Variants in ZFAT observed in about 807,000 individuals in gnomAD.
ZFAT encodes zinc finger protein ZFAT.
In ZFAT, 64 loss-of-function variants were observed where a neutral mutation model predicts 117.7. The ratio of observed to expected loss-of-function variants is 0.54; its 90% CI spans 0.44 to 0.67. The LOEUF is 0.67. Among genes scored for constraint, ZFAT ranks in the 30% least tolerant of loss-of-function variants. The pLI, the probability that ZFAT is intolerant of heterozygous loss-of-function variation, is 0.00. For missense variants in ZFAT, 1,433 were observed against 1,584.5 expected, an observed-to-expected ratio of 0.90 and a Z score of 1.62; for synonymous variants, 679 against 615.0, an observed-to-expected ratio of 1.10 and a Z score of -1.54.
chr8:134,537,193 T>A (rs895048731), intron 11 of ZFAT, among the ~76,000 whole-genome samples: 2 of 152,230 alleles, frequency 1.3e-5, no homozygotes, highest in African/African-American at 4.8e-5. Context: ...ATTATCCTCA[T>A]TTTTACAGGT....
At chr8:134,494,106 T>C (rs1480353818) in intron 15 of ZFAT, among the ~76,000 whole-genome samples, 1 of 152,070 alleles carries the variant, frequency 6.6e-6, no homozygotes, top group Non-Finnish European at 1.5e-5. Flanking sequence ...CTCTACAGCA[T>C]TGCCCGGTCC....
At chr8:134,701,728 G>C (rs1189373556) in intron 1 of ZFAT, among the ~76,000 whole-genome samples, 1 of 152,204 alleles carries the variant, frequency 6.6e-6, no homozygotes, top group Non-Finnish European at 1.5e-5. Flanking sequence ...GTTGTTGCCT[G>C]CATCACTTTT....
At chr8:134,602,998 C>A in intron 5 of ZFAT, 65 bp from the exon 6 acceptor site, 2 of 1,537,792 alleles carry the variant, frequency 1.3e-6, no homozygotes, top group South Asian at 1.3e-5. Flanking sequence ...ACTCTACATC[C>A]TTTTCATGAA....
chr8:134,811,853 G>C, the ZFAT span, among the ~76,000 whole-genome samples: 2 of 152,202 alleles, frequency 1.3e-5, no homozygotes, highest in African/African-American at 4.8e-5. Flanking sequence ...TTTGCCATCT[G>C]TTAAATGACA....
At chr8:134,601,425 C>T (rs763589133) in intron 6 of ZFAT, 52 bp downstream of exon 6, 224 of 1,542,404 alleles carry the variant, frequency 1.5e-4, no homozygotes, top group Non-Finnish European at 1.8e-4. Flanking sequence ...GCGAGGTGAC[C>T]ACAGCATGAT....
chr8:134,565,823 T>G (rs1824418860), intron 10 of ZFAT, among the ~76,000 whole-genome samples: 1 of 151,392 alleles, frequency 6.6e-6, no homozygotes, highest in African/African-American at 2.4e-5. Context: ...TCTTCCTTCC[T>G]GGAGAGGAGC....
chr8:134,668,613 C>T (rs1286626177), intron 1 of ZFAT, among the ~76,000 whole-genome samples: 3 of 152,212 alleles, frequency 2.0e-5, no homozygotes, highest in African/African-American at 7.2e-5. Flanking sequence ...ACGTCACCAT[C>T]ATCAAAGACC....
chr8:134,561,315 C>T (rs560516282), intron 11 of ZFAT, among the ~76,000 whole-genome samples: 3 of 152,318 alleles, frequency 2.0e-5, no homozygotes, highest in East Asian at 1.9e-4. Context: ...ATAAGCTCTC[C>T]GGCCCTGCCT....
chr8:134,603,294 A>G (rs1415908123), intron 5 of ZFAT, among the ~76,000 whole-genome samples: 1 of 152,188 alleles, frequency 6.6e-6, no homozygotes, highest in Non-Finnish European at 1.5e-5. Context: ...AAGAAAAGGA[A>G]AGAGGGAGGC....
intron 2 of ZFAT, among the ~76,000 whole-genome samples, chr8:134,655,264 G>A (rs1831525315): frequency 6.6e-6 from 1 of 152,204 alleles, no homozygotes; most frequent in Admixed American, 6.5e-5. Flanking sequence ...GCGTGGAAGG[G>A]TGGAAGTCGG....
the ZFAT span, among the ~76,000 whole-genome samples, chr8:134,752,298 G>A: frequency 6.6e-6 from 1 of 152,134 alleles, no homozygotes; most frequent in South Asian, 2.1e-4. Flanking sequence ...TCAAACTTCT[G>A]AACCTGCCAC....
chr8:134,628,227 C>T (rs951841853), intron 3 of ZFAT, among the ~76,000 whole-genome samples: 1 of 152,108 alleles, frequency 6.6e-6, no homozygotes, highest in East Asian at 1.9e-4. Context: ...GAAGGTCAAG[C>T]ATATTCAGAG....
the ZFAT span, chr8:134,792,819 T>C: frequency 6.6e-6 from 1 of 152,230 alleles, no homozygotes; most frequent in Non-Finnish European, 1.5e-5. Context: ...TAATACCTTT[T>C]TATAGTGCCA....
At chr8:134,518,130 T>A (rs1469301785) in intron 13 of ZFAT, among the ~76,000 whole-genome samples, 1 of 152,208 alleles carries the variant, frequency 6.6e-6, no homozygotes, top group African/African-American at 2.4e-5. Flanking sequence ...GTTCCTGTGG[T>A]ATTCTAATAG....
chr8:134,546,126 A>T (rs115354940), intron 11 of ZFAT, among the ~76,000 whole-genome samples: 1,608 of 152,304 alleles, frequency 0.011, 34 homozygotes, highest in African/African-American at 0.037. Context: ...ATTTTCTTTC[A>T]TCTGTGTGAT....
chr8:134,594,997 T>C (rs1365442079), intron 7 of ZFAT: 2 of 152,180 alleles, frequency 1.3e-5, no homozygotes, highest in Non-Finnish European at 2.9e-5. Context: ...GATTCTCAGA[T>C]CCCACCTCAA....
At chr8:134,589,500 A>G (rs777164999) in intron 8 of ZFAT, among the ~76,000 whole-genome samples, 26 of 152,272 alleles carry the variant, frequency 1.7e-4, no homozygotes, top group Non-Finnish European at 2.9e-4. Flanking sequence ...TTACTCCCTC[A>G]TAAAACACAC....
intron 1 of ZFAT, among the ~76,000 whole-genome samples, chr8:134,688,917 G>A (rs1402776774): frequency 1.3e-5 from 2 of 152,130 alleles, no homozygotes; most frequent in Non-Finnish European, 2.9e-5. Flanking sequence ...GCTTCCTGGG[G>A]TTTTCAAAAT....
intron 1 of ZFAT, among the ~76,000 whole-genome samples, chr8:134,684,589 T>A (rs1172952749): frequency 6.6e-6 from 1 of 152,166 alleles, no homozygotes; most frequent in Admixed American, 6.5e-5. Flanking sequence ...GTTGATTAGA[T>A]GTTTGACTGG....
Sources: allele counts gnomAD v4.1 joint callset (sites outside exome capture counted in the v4.1 genomes callset), GRCh38; gene constraint gnomAD v4.1.1; transcripts MANE v1.5; gene names NCBI Gene and HGNC (gene_info 2026-07-23, HGNC 2026-07-21).